The following ARHGAP15 variants were observed in gnomAD, a reference collection of about 807,000 sequenced individuals.
The protein encoded by ARHGAP15 is Rho GTPase activating protein 15.
Under a neutral mutation model 63.7 loss-of-function variants are expected in ARHGAP15, and 51 were observed. The ratio of observed to expected loss-of-function variants is 0.80; its 90% confidence interval spans 0.64 to 1.01. The LOEUF is 1.01. ARHGAP15 is among the 50% of genes least tolerant of loss of function. The pLI, the probability that ARHGAP15 is intolerant of heterozygous loss-of-function variation, is 0.00. For synonymous variants in ARHGAP15, 191 were observed against 193.8 expected, an observed-to-expected ratio of 0.99 and a Z score of 0.12; for missense variants, 560 against 564.6, an observed-to-expected ratio of 0.99 and a Z score of 0.08.
intron 2 of ARHGAP15, among the ~76,000 whole-genome samples, chr2:143,167,999 C>A (rs546114846): frequency 6.6e-6 from 1 of 151,988 alleles, no homozygotes; most frequent in Non-Finnish European, 1.5e-5. Flanking sequence ...AAAATAACAA[C>A]TGTTGGTCAT....
At chr2:143,660,435 C>T (rs1681699235) in intron 12 of ARHGAP15, among the ~76,000 whole-genome samples, 1 of 152,166 alleles carries the variant, frequency 6.6e-6, no homozygotes, top group African/African-American at 2.4e-5. Context: ...GAAATGTACC[C>T]TAACAGATTA....
chr2:143,337,658 G>A (rs959779817), intron 6 of ARHGAP15, among the ~76,000 whole-genome samples: 4 of 151,862 alleles, frequency 2.6e-5, no homozygotes, highest in African/African-American at 4.8e-5. Flanking sequence ...TTAGGTTTTC[G>A]TACTTTTGGG....
chr2:143,190,487 T>C (rs548719182), intron 2 of ARHGAP15, among the ~76,000 whole-genome samples: 1 of 152,302 alleles, frequency 6.6e-6, no homozygotes, highest in Non-Finnish European at 1.5e-5. Context: ...AAAAGTCTTG[T>C]TGCTAATGAG....
At chr2:143,302,927 G>A (rs1682974121) in intron 6 of ARHGAP15, among the ~76,000 whole-genome samples, 1 of 151,932 alleles carries the variant, frequency 6.6e-6, no homozygotes, top group Non-Finnish European at 1.5e-5. Context: ...AAAATTACAA[G>A]GTATATATGC....
At chr2:143,554,027 A>G (rs1695683979) in intron 10 of ARHGAP15, among the ~76,000 whole-genome samples, 2 of 152,262 alleles carry the variant, frequency 1.3e-5, no homozygotes, top group Non-Finnish European at 1.5e-5. Context: ...TAGACCTCTG[A>G]TAAGGGTCTA....
intron 10 of ARHGAP15, among the ~76,000 whole-genome samples, chr2:143,554,534 G>C (rs528517677): frequency 3.5e-4 from 54 of 152,160 alleles, no homozygotes; most frequent in Non-Finnish European, 5.4e-4. Context: ...CTTTGAGAAG[G>C]ACACACTTGA....
chr2:143,768,227 T>C lies in ARHGAP15; in HGVS notation c.*55T>C. 3.4e-6 allele frequency: 5 copies of C among 1,475,258 alleles called. No individual in the cohort carries two copies. Among genetic ancestry groups the C allele is most frequent in the Non-Finnish European group, 4.5e-6 (5 of 1,099,350 alleles). The allele number at this position is 1,475,258 out of a possible 1,614,324, so 91.4% of individuals were successfully genotyped here. A position where few individuals can be genotyped will look rare whatever the true frequency, so the allele number is the denominator to read the frequency against. ...CATCTGTCTTGATGCCTAATATTTT[T>C]ACATTTCTGTAAACATATTTCTGAA... On this transcript the variant is annotated 3_prime_UTR_variant, in exon 14 of 14. Coordinates refer to ENST00000295095, the MANE Select transcript of ARHGAP15 (RefSeq NM_018460.4).
intron 6 of ARHGAP15, among the ~76,000 whole-genome samples, chr2:143,411,288 G>T (rs1688434150): frequency 6.6e-6 from 1 of 152,196 alleles, no homozygotes; most frequent in South Asian, 2.1e-4. Context: ...ACCATAGCAG[G>T]ATTCATATTT....
At chr2:143,297,763 G>A (rs1461289649) in intron 6 of ARHGAP15, among the ~76,000 whole-genome samples, 1 of 151,920 alleles carries the variant, frequency 6.6e-6, no homozygotes, top group Admixed American at 6.6e-5. Context: ...TACAATTATT[G>A]AAATAAAGTG....
intron 12 of ARHGAP15, among the ~76,000 whole-genome samples, chr2:143,660,556 A>T (rs1464126789): frequency 6.6e-6 from 1 of 152,224 alleles, no homozygotes; most frequent in Non-Finnish European, 1.5e-5. Flanking sequence ...CACTTTATGA[A>T]TTATTAGGAG....
Position 143,659,228 on chromosome 2 carries a change from T to A in ARHGAP15, c.1138+34961T>A, listed in dbSNP as rs1190571354. ...TATCCGCCACCAAAGCACTTAAAAT[T>A]TGTAAGTAGGGAAAAAAGGGATAAC... On this transcript the variant is annotated intron_variant, in intron 12 of 13. Transcript: ENST00000295095. Among the ~76,000 whole-genome samples the A allele has an allele frequency of 2.0e-5, 3 of 152,122 alleles. No homozygotes were observed. The East Asian group carries it at 5.8e-4, about 29-fold the overall frequency.
At chr2:143,534,990 ATGT>A (rs1323160747) in intron 10 of ARHGAP15, among the ~76,000 whole-genome samples, 1 of 152,216 alleles carries the variant, frequency 6.6e-6, no homozygotes, top group East Asian at 1.9e-4. Flanking sequence ...TTCCCTGAAG[ATGT>A]TATTTTTTAC....
At chr2:143,506,117 C>T (rs1574546903) in intron 9 of ARHGAP15, among the ~76,000 whole-genome samples, 1 of 152,296 alleles carries the variant, frequency 6.6e-6, no homozygotes, top group East Asian at 1.9e-4. Context: ...GGGATTCTAA[C>T]AAATCTATGC....
intron 10 of ARHGAP15, among the ~76,000 whole-genome samples, chr2:143,544,992 T>C (rs768297775): frequency 7.2e-5 from 11 of 152,238 alleles, no homozygotes; most frequent in Non-Finnish European, 1.6e-4. Flanking sequence ...CACCTTCTTC[T>C]TTGCCTGGGA....
At chr2:143,183,664 A>C (rs1464969664) in intron 2 of ARHGAP15, among the ~76,000 whole-genome samples, 2 of 151,930 alleles carry the variant, frequency 1.3e-5, no homozygotes, top group East Asian at 3.9e-4. Flanking sequence ...ACTCTAAAAC[A>C]CTTTAAAAAT....
chr2:143,520,038 A>C (rs1215760475), intron 10 of ARHGAP15, among the ~76,000 whole-genome samples: 1 of 152,286 alleles, frequency 6.6e-6, no homozygotes, highest in Non-Finnish European at 1.5e-5. Context: ...TTTTTCCTGG[A>C]AGATACATAT....
At chr2:143,376,635 CTTAA>C (rs1033535764) in intron 6 of ARHGAP15, among the ~76,000 whole-genome samples, 5 of 151,892 alleles carry the variant, frequency 3.3e-5, no homozygotes, top group Non-Finnish European at 2.9e-5. Context: ...AAAATTTGAT[CTTAA>C]TTAGATTTAT....
At chr2:143,278,208 C>T (rs1681661993) in intron 6 of ARHGAP15, among the ~76,000 whole-genome samples, 1 of 152,158 alleles carries the variant, frequency 6.6e-6, no homozygotes, top group Admixed American at 6.6e-5. Context: ...CTCACGGCTG[C>T]ATGTTGCCTA....
intron 6 of ARHGAP15, among the ~76,000 whole-genome samples, chr2:143,429,059 T>C (rs1689262171): frequency 6.6e-6 from 1 of 152,126 alleles, no homozygotes; most frequent in African/African-American, 2.4e-5. Flanking sequence ...TCGTTTTTCA[T>C]ATGAGCACCA....
Sources: allele counts gnomAD v4.1 joint callset (sites outside exome capture counted in the v4.1 genomes callset), GRCh38; gene constraint gnomAD v4.1.1; transcripts MANE v1.5; gene names NCBI Gene and HGNC (gene_info 2026-07-23, HGNC 2026-07-21).